The following MKX variants were observed in gnomAD, a reference collection of about 807,000 sequenced individuals.
MKX encodes homeobox protein Mohawk.
In MKX, 13 loss-of-function variants were observed where a neutral mutation model predicts 36.0. The observed-to-expected ratio is 0.36, with a 90% confidence interval of 0.24 to 0.57. The LOEUF (loss-of-function observed/expected upper bound fraction) is 0.57. MKX is among the 20% of genes least tolerant of loss of function. The pLI is 0.79. For missense variants in MKX, 458 were observed against 456.4 expected (o/e 1.00, Z -0.03); for synonymous variants, 176 against 178.3 (o/e 0.99, Z 0.10).
chr10:27,722,877 G>A (rs766207878), intron 5 of MKX, among the ~76,000 whole-genome samples: 3 of 152,058 alleles, frequency 2.0e-5, no homozygotes, highest in Non-Finnish European at 2.9e-5. Flanking sequence ...ATGCCTCTAC[G>A]GTTCTTCTCT....
chr10:27,696,779 A>G (rs1440640991), intron 5 of MKX, among the ~76,000 whole-genome samples: 1 of 152,168 alleles, frequency 6.6e-6, no homozygotes, highest in Admixed American at 6.5e-5. Flanking sequence ...CACCCACTCA[A>G]TCATATAGGT....
intron 5 of MKX, among the ~76,000 whole-genome samples, chr10:27,694,999 A>G (rs1346077941): frequency 2.0e-5 from 3 of 151,990 alleles, no homozygotes; most frequent in Non-Finnish European, 4.4e-5. Flanking sequence ...CAGAAGGTGG[A>G]AGCAAGAGTA....
chr10:27,681,607 C>T (rs972119398), intron 5 of MKX, among the ~76,000 whole-genome samples: 3 of 151,950 alleles, frequency 2.0e-5, no homozygotes, highest in Non-Finnish European at 4.4e-5. Flanking sequence ...TGAGAGTGTG[C>T]TCCTTCACCT....
chr10:27,743,598 C>G, intron 1 of MKX, 101 bp from the exon 2 acceptor site: 7 of 638,432 alleles, frequency 1.1e-5, no homozygotes, highest in Non-Finnish European at 1.7e-5. Flanking sequence ...GCTGCGGAGC[C>G]GAGGGGAGGA....
chr10:27,733,045 C>G (rs11015980), intron 5 of MKX, among the ~76,000 whole-genome samples: 43 of 151,916 alleles, frequency 2.8e-4, no homozygotes, highest in Non-Finnish European at 4.9e-4. Context: ...CCACCTTGCC[C>G]AGCTTCATTT....
At chr10:27,675,579 T>C in intron 5 of MKX, 25 bp from the exon 6 acceptor site, 1 of 1,608,918 alleles carries the variant, frequency 6.2e-7, no homozygotes, top group Non-Finnish European at 8.5e-7. Context: ...AAAAATTCAA[T>C]TATTTTTATG....
chr10:27,680,411 G>C lies in MKX; in HGVS notation c.839-4857C>G, dbSNP rs144545706. Among the ~76,000 whole-genome samples the C allele has an allele frequency of 5.0e-3, 749 of 149,402 alleles. 2 individuals are homozygous for C. Among genetic ancestry groups the C allele is most frequent in the African/African-American group, 0.017 (712 of 40,698 alleles). On this transcript the variant is annotated intron_variant, in intron 5 of 6. Transcript: ENST00000419761. ...GTGTGTAGTTAGGAAAATCTTGGATGCTGCAAAACCCAAACCATGTTGAAA... is the reference window on the plus strand; with the variant it reads ...GTGTGTAGTTAGGAAAATCTTGGATCCTGCAAAACCCAAACCATGTTGAAA...
chr10:27,744,948 G>A lies in MKX; in HGVS notation c.-83+759C>T, dbSNP rs1835018309. 6.6e-6 allele frequency: 1 copy of A among 152,274 alleles called. No individual in the cohort carries two copies. The highest frequency in any genetic ancestry group is 1.5e-5 in the Non-Finnish European group (1 of 68,124). 9.4% of individuals were successfully genotyped at this position (152,274 alleles called of 1,614,324 possible). A position where few individuals can be genotyped will look rare whatever the true frequency, so the allele number is the denominator to read the frequency against. On this transcript the variant is annotated intron_variant, in intron 1 of 6. Coordinates refer to ENST00000419761, the MANE Select transcript of MKX (RefSeq NM_173576.3). This position sits in a 1 kb window ranked among gnomAD's most constrained non-coding sequence, Gnocchi z 5.6. ...AGGACTGCGTCCTCCCGCGCAGACA[G>A]GTACGTGCCTGGGGTGTGCACATAG...
At chr10:27,723,252 A>T (rs2132618538) in intron 5 of MKX, among the ~76,000 whole-genome samples, 1 of 152,346 alleles carries the variant, frequency 6.6e-6, no homozygotes, top group South Asian at 2.1e-4. Flanking sequence ...GGGTTGCTGC[A>T]TAAATATGAA....
At chr10:27,715,878 G>A (rs1836954884) in intron 5 of MKX, among the ~76,000 whole-genome samples, 1 of 151,218 alleles carries the variant, frequency 6.6e-6, no homozygotes, top group South Asian at 2.2e-4. Flanking sequence ...GCTGGGCATA[G>A]CATAAAGACA....
chr10:27,673,784 T>TA lies in MKX; in HGVS notation c.*1444_*1445insT. ...ACTGTCCATCAACTAGAGCAGCCTT[T>TA]GGTTTTAAAAGCATTTTGCAAAATA... On this transcript the variant is annotated 3_prime_UTR_variant, in exon 7 of 7. Transcript: ENST00000419761. 1 of 152,498 alleles carries TA rather than the reference T, an allele frequency of 6.6e-6. No individual in the cohort carries two copies. The highest frequency in any genetic ancestry group is 1.5e-5 in the Non-Finnish European group (1 of 67,984). The allele number at this position is 152,498 out of a possible 1,614,324, so 9.4% of individuals were successfully genotyped here. A position where few individuals can be genotyped will look rare whatever the true frequency, so the allele number is the denominator to read the frequency against.
chr10:27,675,428 A>T lies in MKX; in HGVS notation c.873-13T>A, dbSNP rs759672015. On this transcript the variant is annotated splice_polypyrimidine_tract_variant and intron_variant, in intron 6 of 6. Coordinates refer to ENST00000419761, the MANE Select transcript of MKX (RefSeq NM_173576.3). ...TCTGTTAGCTGCGCTGGAGTTAAGC[A>T]AAACAGAAAGTAAACGATCAAACTC... 6.2e-7 allele frequency: 1 copy of T among 1,614,020 alleles called. No individual in the cohort carries two copies. The highest frequency in any genetic ancestry group is 2.2e-5 in the East Asian group (1 of 44,894).
At chr10:27,688,115 C>T (rs1258388473) in intron 5 of MKX, among the ~76,000 whole-genome samples, 6 of 151,394 alleles carry the variant, frequency 4.0e-5, no homozygotes, top group African/African-American at 1.2e-4. Flanking sequence ...GTGGACCACA[C>T]GAGTTCATAT....
At chr10:27,693,188 G>A (rs1407706463) in intron 5 of MKX, among the ~76,000 whole-genome samples, 1 of 152,214 alleles carries the variant, frequency 6.6e-6, no homozygotes. Flanking sequence ...TTGGCTGTGT[G>A]TGTGCTGAGA....
chr10:27,711,446 TC>T (rs1392085977), intron 5 of MKX, among the ~76,000 whole-genome samples: 8 of 8,740 alleles, frequency 9.2e-4, no homozygotes, highest in African/African-American at 2.1e-3. Context: ...TTTCTTTCTT[TC>T]TTTCTTTCTT....
chr10:27,683,399 C>T (rs545031966), intron 5 of MKX, among the ~76,000 whole-genome samples: 8 of 152,330 alleles, frequency 5.3e-5, no homozygotes, highest in African/African-American at 7.2e-5. Context: ...AAGGCTATGC[C>T]GTCTAGGTTT....
chr10:27,687,712 CCA>C (rs1836383640), intron 5 of MKX, among the ~76,000 whole-genome samples: 1 of 152,184 alleles, frequency 6.6e-6, no homozygotes, highest in Non-Finnish European at 1.5e-5. Context: ...CAGCATAGTC[CCA>C]CTTTCCAAGA....
At chr10:27,735,100 C>T in intron 4 of MKX, 121 bp downstream of exon 4, 2 of 887,942 alleles carry the variant, frequency 2.3e-6, no homozygotes, top group Non-Finnish European at 3.2e-6. Context: ...TTACTTCATG[C>T]AATAAAAAAG....
At position 27,691,809 on chromosome 10, in the gene MKX, A is replaced by AT. The variant is rs527755731; in HGVS notation, c.839-16256dup. 3.4e-3 allele frequency among the ~76,000 whole-genome samples: 515 copies of AT among 152,096 alleles called. 2 individuals are homozygous for AT. Among genetic ancestry groups the AT allele is most frequent in the African/African-American group, 0.012 (481 of 41,466 alleles). On this transcript the variant is annotated intron_variant, in intron 5 of 6. Transcript: ENST00000419761. ...TATAAATGAGAACATGTGGTATTTGATTTTTTCTTCCTGTGTTAATTTGCT... is the reference window on the plus strand; with the variant it reads ...TATAAATGAGAACATGTGGTATTTGATTTTTTTCTTCCTGTGTTAATTTGCT...
Sources: allele counts gnomAD v4.1 joint callset (sites outside exome capture counted in the v4.1 genomes callset), GRCh38; gene constraint gnomAD v4.1.1; non-coding constraint Gnocchi (gnomAD v3.1); transcripts MANE v1.5; gene names NCBI Gene and HGNC (gene_info 2026-07-23, HGNC 2026-07-21).